The following TAFA1 variants were observed in gnomAD, a reference collection of about 807,000 sequenced individuals.
TAFA1 encodes the protein TAFA chemokine like family member 1, also known as chemokine-like protein TAFA-1.
In TAFA1, 4 loss-of-function variants were observed where a neutral mutation model predicts 18.5. The ratio of observed to expected loss-of-function variants is 0.22; its 90% confidence interval spans 0.11 to 0.49. The LOEUF (loss-of-function observed/expected upper bound fraction) is 0.49, where lower values mean the gene tolerates loss of function less well. Among genes scored for constraint, TAFA1 ranks in the 20% least tolerant of loss-of-function variants. The probability of loss-of-function intolerance (pLI) is 0.98; values close to 1 mark genes in which losing one functional copy is unlikely to be tolerated. For synonymous variants in TAFA1, 56 were observed against 55.2 expected (o/e 1.01, Z -0.06); for missense variants, 147 against 169.0 (o/e 0.87, Z 0.72).
chr3:68,119,444 A>G (rs182608282), intron 2 of TAFA1, among the ~76,000 whole-genome samples: 43 of 152,252 alleles, frequency 2.8e-4, no homozygotes, highest in African/African-American at 1.0e-3. Context: ...TGTCATATCC[A>G]AGAAATCATT....
intron 2 of TAFA1, among the ~76,000 whole-genome samples, chr3:68,185,328 A>G (rs567349449): frequency 6.6e-6 from 1 of 152,210 alleles, no homozygotes; most frequent in Admixed American, 6.5e-5. Context: ...GACTTGAAAT[A>G]CAGAAGCCTT....
chr3:68,075,034 A>G (rs1177150945), intron 2 of TAFA1, among the ~76,000 whole-genome samples: 1 of 152,216 alleles, frequency 6.6e-6, no homozygotes, highest in Non-Finnish European at 1.5e-5. Context: ...ACTGAGGACC[A>G]GACAAAGTAG....
intron 2 of TAFA1, among the ~76,000 whole-genome samples, chr3:68,218,264 A>G (rs778059567): frequency 1.3e-5 from 2 of 152,168 alleles, no homozygotes; most frequent in Non-Finnish European, 2.9e-5. Flanking sequence ...ACTGGCAAAC[A>G]GCTTTAAGAA....
At chr3:68,509,436 T>C (rs2072813560) in intron 3 of TAFA1, among the ~76,000 whole-genome samples, 1 of 152,080 alleles carries the variant, frequency 6.6e-6, no homozygotes, top group African/African-American at 2.4e-5. Flanking sequence ...AATGCAAAAT[T>C]CCACTCTTCC....
intron 2 of TAFA1, among the ~76,000 whole-genome samples, chr3:68,087,915 A>G (rs1449847065): frequency 6.6e-6 from 1 of 152,122 alleles, no homozygotes; most frequent in Non-Finnish European, 1.5e-5. Flanking sequence ...TTATTTATTT[A>G]TTCATTCAAT....
At chr3:68,513,093 C>A (rs1208141187) in intron 3 of TAFA1, among the ~76,000 whole-genome samples, 1 of 152,094 alleles carries the variant, frequency 6.6e-6, no homozygotes, top group African/African-American at 2.4e-5. Context: ...ATATCGATGG[C>A]AAACATGGTA....
chr3:68,169,312 A>T (rs2066023267), intron 2 of TAFA1, among the ~76,000 whole-genome samples: 1 of 152,216 alleles, frequency 6.6e-6, no homozygotes, highest in Non-Finnish European at 1.5e-5. Context: ...AGTTGAGAGG[A>T]ACTGAGGCCC....
At chr3:68,117,723 G>A (rs1357456247) in intron 2 of TAFA1, among the ~76,000 whole-genome samples, 1 of 152,112 alleles carries the variant, frequency 6.6e-6, no homozygotes, top group East Asian at 1.9e-4. Flanking sequence ...AAGTATAGTG[G>A]AATCACAGCT....
intron 2 of TAFA1, among the ~76,000 whole-genome samples, chr3:68,339,929 A>G (rs1264252381): frequency 1.3e-5 from 2 of 152,230 alleles, no homozygotes; most frequent in Non-Finnish European, 2.9e-5. Context: ...CACAAAATGC[A>G]GCTATGAGAC....
chr3:68,335,817 A>G (rs1345579422), intron 2 of TAFA1, among the ~76,000 whole-genome samples: 1 of 152,232 alleles, frequency 6.6e-6, no homozygotes, highest in African/African-American at 2.4e-5. Context: ...CCCTTAGAAA[A>G]GAAGAAAATC....
At chr3:68,315,020 T>C (rs994231254) in intron 2 of TAFA1, among the ~76,000 whole-genome samples, 3 of 151,896 alleles carry the variant, frequency 2.0e-5, no homozygotes, top group Non-Finnish European at 2.9e-5. Context: ...ATAAAGACTT[T>C]CTTCTCTGTT....
intron 2 of TAFA1, among the ~76,000 whole-genome samples, chr3:68,360,616 T>C (rs1442923897): frequency 6.6e-6 from 1 of 151,954 alleles, no homozygotes; most frequent in African/African-American, 2.4e-5. Context: ...TTCAAGTTGG[T>C]ACCATTAATA....
chr3:68,398,919 C>G (rs1422818868), intron 2 of TAFA1, among the ~76,000 whole-genome samples: 1 of 152,106 alleles, frequency 6.6e-6, no homozygotes, highest in Non-Finnish European at 1.5e-5. Context: ...AAATTGCATT[C>G]TTTTAAATAA....
intron 2 of TAFA1, among the ~76,000 whole-genome samples, chr3:68,312,872 G>A (rs1012528476): frequency 6.6e-6 from 1 of 152,160 alleles, no homozygotes; most frequent in Non-Finnish European, 1.5e-5. Context: ...CTGAGACTAG[G>A]TAATTTACAA....
At chr3:68,348,252 T>C (rs73838716) in intron 2 of TAFA1, among the ~76,000 whole-genome samples, 2,393 of 152,256 alleles carry the variant, frequency 0.016, 55 homozygotes, top group African/African-American at 0.053. Context: ...ACATAATGTA[T>C]GTAAAAATGC....
intron 2 of TAFA1, among the ~76,000 whole-genome samples, chr3:68,200,565 T>G (rs2066458988): frequency 6.6e-6 from 1 of 151,612 alleles, no homozygotes; most frequent in Non-Finnish European, 1.5e-5. Flanking sequence ...TTTGGCAGAG[T>G]GTGTCTTCCA....
chr3:68,300,350 C>G (rs938259323), intron 2 of TAFA1, among the ~76,000 whole-genome samples: 1 of 152,050 alleles, frequency 6.6e-6, no homozygotes, highest in Non-Finnish European at 1.5e-5. Flanking sequence ...AAGCTGTAGC[C>G]CTTTTGTTTT....
At chr3:68,485,564 T>A (rs561824599) in intron 3 of TAFA1, among the ~76,000 whole-genome samples, 1 of 152,330 alleles carries the variant, frequency 6.6e-6, no homozygotes, top group African/African-American at 2.4e-5. Context: ...GTATTTCAAT[T>A]CCTCTATTTC....
Position 68,515,423 on chromosome 3 carries a change from C to T in TAFA1, c.260-23333C>T, listed in dbSNP as rs189371528. Reference sequence around the variant, plus strand: ...GAAAGAGATGGATGATCTGATTGGACCAGCCTGGTCATGTGGCCACCTCTG... The same window carrying T: ...GAAAGAGATGGATGATCTGATTGGATCAGCCTGGTCATGTGGCCACCTCTG... On this transcript the variant is annotated intron_variant, in intron 3 of 4. Transcript: ENST00000478136. Among the ~76,000 whole-genome samples the T allele has an allele frequency of 7.7e-4, 117 of 152,214 alleles. 1 individual carries two copies. The East Asian group carries it at 0.019, about 25-fold the overall frequency.
Sources: gnomAD v4.1 joint callset for allele counts (sites outside exome capture counted in the v4.1 genomes callset) on GRCh38, gnomAD v4.1.1 for gene constraint, MANE v1.5 for transcripts, NCBI Gene and HGNC (gene_info 2026-07-23, HGNC 2026-07-21) for gene names.